The following TSBP1 variants were observed in gnomAD, a reference collection of about 807,000 sequenced individuals.
TSBP1 encodes testis expressed basic protein 1, also known as testis-expressed basic protein 1.
TSBP1 carries 56 observed loss-of-function variants against 68.8 expected under a neutral mutation model. That is an observed-to-expected ratio of 0.81 (90% CI 0.66 to 1.02). TSBP1 has a LOEUF of 1.02. Among genes scored for constraint, TSBP1 ranks in the 50% least tolerant of loss-of-function variants. The pLI, the probability that TSBP1 is intolerant of heterozygous loss-of-function variation, is 0.00. For synonymous variants in TSBP1, 171 were observed against 208.7 expected (o/e 0.82, Z 1.56); for missense variants, 502 against 641.2 (o/e 0.78, Z 2.34).
intron 1 of TSBP1, among the ~76,000 whole-genome samples, chr6:32,371,437 A>G (rs1362349263): frequency 6.6e-6 from 1 of 152,178 alleles, no homozygotes; most frequent in Non-Finnish European, 1.5e-5. Context: ...GCTACGGAGG[A>G]TGGTTATTTT....
intron 9 of TSBP1, 44 bp downstream of exon 9, chr6:32,349,696 G>C: frequency 8.5e-7 from 1 of 1,179,800 alleles, no homozygotes; most frequent in Non-Finnish European, 1.3e-6. Flanking sequence ...TTGATTAAAT[G>C]GGGCTAAATG....
Position 32,325,376 on chromosome 6 carries a change from C to T in TSBP1, c.515-1762G>A, listed in dbSNP as rs1185435031. 25 of 957,952 alleles carry T rather than the reference C, an allele frequency of 2.6e-5. No individual in the cohort carries two copies. In the East Asian group the frequency reaches 4.8e-4, roughly 18 times the overall value. The allele number at this position is 957,952 out of a possible 1,614,324, so 59.3% of individuals were successfully genotyped here. ...GTCATGAGAGATCCAAACCCAAGCA[C>T]TCCAGGGGCTTTGGATTTTTCACAT... On this transcript the variant is annotated intron_variant, in intron 16 of 22. Transcript: ENST00000612031. The surrounding 1 kb of genome is among the most constrained non-coding windows in gnomAD (Gnocchi z 4.4).
At chr6:32,369,762 G>A (rs1003948381) in intron 2 of TSBP1, 135 bp downstream of exon 2, 3 of 773,358 alleles carry the variant, frequency 3.9e-6, no homozygotes, top group Admixed American at 1.7e-5. Context: ...TTTGACTCAA[G>A]TATTGAAACA....
At chr6:32,330,499 C>T in intron 16 of TSBP1, 90 bp downstream of exon 17, 4 of 1,202,134 alleles carry the variant, frequency 3.3e-6, no homozygotes, top group Non-Finnish European at 4.8e-6. Context: ...CAGTGAGACA[C>T]ATCTAGGGCA....
intron 9 of TSBP1, among the ~76,000 whole-genome samples, chr6:32,348,732 T>G (rs575367134): frequency 2.0e-5 from 3 of 152,162 alleles, no homozygotes. Flanking sequence ...AGTTAAATAA[T>G]ATCTTTAAAT....
intron 20 of TSBP1, among the ~76,000 whole-genome samples, chr6:32,301,714 A>ATTT (rs1562061068): frequency 1.3e-5 from 2 of 151,714 alleles, no homozygotes; most frequent in Non-Finnish European, 1.5e-5. Context: ...TGTTTTAAAA[A>ATTT]AAAAAAAAAA....
chr6:32,366,840 T>C (rs1773804111), intron 4 of TSBP1, among the ~76,000 whole-genome samples: 1 of 150,926 alleles, frequency 6.6e-6, no homozygotes, highest in Non-Finnish European at 1.5e-5. Context: ...TTCCCAGATA[T>C]TCCCATTTTC....
rs867678765 is a variant in TSBP1 at position 32,330,710 on chromosome 6, G to A, written c.494-101C>T. The stretch of plus-strand genomic sequence containing the variant: ...TTGAGACAGAGTCTCTCACTCTGTC[G>A]CCCAGGCTGGAGTGTGGTAGGGTGA... On this transcript the variant is annotated intron_variant, in intron 15 of 22. Transcript: ENST00000612031. The A allele has an allele frequency of 8.6e-5, 116 of 1,352,570 alleles. 1 individual carries two copies. In the African/African-American group the frequency reaches 9.6e-4, roughly 11 times the overall value. 83.8% of individuals were successfully genotyped at this position (1,352,570 alleles called of 1,614,324 possible). A position where few individuals can be genotyped will look rare whatever the true frequency, so the allele number is the denominator to read the frequency against.
intron 16 of TSBP1, among the ~76,000 whole-genome samples, chr6:32,326,949 T>G (rs565118773): frequency 6.6e-6 from 1 of 152,276 alleles, no homozygotes; most frequent in Admixed American, 6.5e-5. Context: ...GATTGGTAAT[T>G]TCTTTAAACT....
At chr6:32,368,684 T>C (rs1774035587) in intron 3 of TSBP1, 98 bp downstream of exon 3, 7 of 1,299,378 alleles carry the variant, frequency 5.4e-6, no homozygotes, top group Non-Finnish European at 7.5e-6. Flanking sequence ...CTATGCAAGG[T>C]TCTGGAAACA....
At chr6:32,366,380 T>G in intron 4 of TSBP1, 78 bp from the exon 5 acceptor site, 1 of 1,272,858 alleles carries the variant, frequency 7.9e-7, no homozygotes, top group East Asian at 2.3e-5. Context: ...GATAGAAATC[T>G]GTTTACCTCT....
intron 16 of TSBP1, chr6:32,324,426 C>A (rs1159949820): frequency 1.4e-6 from 1 of 703,282 alleles, no homozygotes; most frequent in African/African-American, 1.8e-5. Context: ...TATCTCTTCC[C>A]TTTTTGCAGT....
At chr6:32,360,766 T>A (rs1416206342) in intron 6 of TSBP1, among the ~76,000 whole-genome samples, 1 of 152,196 alleles carries the variant, frequency 6.6e-6, no homozygotes, top group African/African-American at 2.4e-5. Context: ...ATTTCCTTGA[T>A]GATTAGTGAT....
chr6:32,367,702 T>C (rs1773913535), intron 4 of TSBP1, among the ~76,000 whole-genome samples: 2 of 152,224 alleles, frequency 1.3e-5, no homozygotes, highest in Admixed American at 6.5e-5. Context: ...AGACAGAAGA[T>C]GGAAATGAAT....
At chr6:32,293,616 C>T (rs1764391773) in exon 23 of TSBP1, 1 of 1,613,034 alleles carries the variant, frequency 6.2e-7, no homozygotes, top group South Asian at 1.1e-5. Flanking sequence ...CTCTTCGTTA[C>T]TTGGGCTTCT....
At position 32,304,581 on chromosome 6, in the gene TSBP1, A is replaced by G. The variant is rs1483394867; in HGVS notation, c.581-1952T>C. Among the ~76,000 whole-genome samples the G allele has an allele frequency of 6.6e-6, 1 of 152,212 alleles. No homozygotes were observed. Among genetic ancestry groups the G allele is most frequent in the African/African-American group, 2.4e-5 (1 of 41,452 alleles). On this transcript the variant is annotated intron_variant, in intron 19 of 22. Coordinates refer to ENST00000612031, the Ensembl canonical transcript of TSBP1. The surrounding 1 kb of genome is among the most constrained non-coding windows in gnomAD (Gnocchi z 4.8). ...AGGCCACTTTTTCTAATGAAATAAA[A>G]TATTTTTTTAAACATTCTTAAACTA...
At chr6:32,347,890 CAG>C (rs1217073454) in intron 9 of TSBP1, among the ~76,000 whole-genome samples, 1 of 152,206 alleles carries the variant, frequency 6.6e-6, no homozygotes, top group Admixed American at 6.5e-5. Flanking sequence ...TTTCGCCATT[CAG>C]AGTCAGTTCA....
chr6:32,340,613 C>A lies in TSBP1; in HGVS notation c.350-975G>T, dbSNP rs1240506227. ...TGAGTTATGCATATTTAATTTTGAT[C>A]AATTATTAATGACTATCTGGAGATG... On this transcript the variant is annotated intron_variant, in intron 9 of 22. Transcript: ENST00000612031. The surrounding 1 kb of genome is among the most constrained non-coding windows in gnomAD (Gnocchi z 4.8). 1.3e-5 allele frequency among the ~76,000 whole-genome samples: 2 copies of A among 152,110 alleles called. No individual in the cohort carries two copies. The highest frequency in any genetic ancestry group is 4.8e-5 in the African/African-American group (2 of 41,420).
At chr6:32,303,287 TTCTGTTTC>T (rs892523028) in intron 19 of TSBP1, among the ~76,000 whole-genome samples, 3 of 151,480 alleles carry the variant, frequency 2.0e-5, no homozygotes, top group Non-Finnish European at 2.9e-5. Flanking sequence ...TTGTGGGTTT[TTCTGTTTC>T]TCTTCAGTTC....
Sources: gnomAD v4.1 joint callset for allele counts (sites outside exome capture counted in the v4.1 genomes callset) on GRCh38, gnomAD v4.1.1 for gene constraint, Gnocchi (gnomAD v3.1) non-coding constraint, MANE v1.5 for transcripts, NCBI Gene and HGNC (gene_info 2026-07-23, HGNC 2026-07-21) for gene names.